EIF2AK3: variants seen among roughly 807,000 people sequenced by gnomAD.
The protein encoded by EIF2AK3 is eukaryotic translation initiation factor 2-alpha kinase 3.
Under a neutral mutation model 113.5 loss-of-function variants are expected in EIF2AK3, and 50 were observed. The ratio of observed to expected loss-of-function variants is 0.44; its 90% CI spans 0.35 to 0.56. The LOEUF is 0.56. Ranked by LOEUF, EIF2AK3 falls within the 20% of genes least tolerant of loss-of-function variation. EIF2AK3 has a pLI of 0.00. For missense variants in EIF2AK3, 1,185 were observed against 1,378.0 expected, an observed-to-expected ratio of 0.86 and a Z score of 2.22; for synonymous variants, 448 against 495.4, an observed-to-expected ratio of 0.90 and a Z score of 1.27.
intron 1 of EIF2AK3, among the ~76,000 whole-genome samples, chr2:88,617,543 C>G (rs557380954): frequency 1.8e-4 from 27 of 151,712 alleles, no homozygotes; most frequent in African/African-American, 6.5e-4. Flanking sequence ...CTCACGAGGT[C>G]AGGAGATCAA....
At position 88,583,453 on chromosome 2, in the gene EIF2AK3, T is replaced by C. The variant is rs1385257447; in HGVS notation, c.1740A>G (p.Ile580Met). The change falls in exon 10 of 17, where the codon ATA becomes ATG. Residue 580 changes from isoleucine (I) to methionine (M), a missense_variant. Ile to Met is a conservative substitution (Grantham distance 10, BLOSUM62 1). Coordinates refer to ENST00000303236, the MANE Select transcript of EIF2AK3 (RefSeq NM_004836.7). ...ACCGTGATATATATCCAGAGTTTTTTATGTCATTCCAGCTACTGTCATTGG... is the reference window on the plus strand; with the variant it reads ...ACCGTGATATATATCCAGAGTTTTTCATGTCATTCCAGCTACTGTCATTGG... ...GEANDSSWND[I>M]KNSGYISRYL... 4.3e-6 allele frequency: 7 copies of C among 1,612,834 alleles called. No individual in the cohort carries two copies. The highest frequency in any genetic ancestry group is 5.9e-6 in the Non-Finnish European group (7 of 1,179,386).
chr2:88,571,944 T>G (rs1466457914), intron 13 of EIF2AK3, among the ~76,000 whole-genome samples: 2 of 152,014 alleles, frequency 1.3e-5, no homozygotes, highest in Non-Finnish European at 2.9e-5. Flanking sequence ...ATACATCACC[T>G]CTCCCTCAGA....
intron 2 of EIF2AK3, among the ~76,000 whole-genome samples, chr2:88,602,663 T>C (rs1437049313): frequency 6.6e-6 from 1 of 152,068 alleles, no homozygotes; most frequent in Non-Finnish European, 1.5e-5. Flanking sequence ...AACTTACAAA[T>C]AAAAAGATAC....
chr2:88,619,822 C>T (rs1573426276), intron 1 of EIF2AK3, among the ~76,000 whole-genome samples: 1 of 152,150 alleles, frequency 6.6e-6, no homozygotes, highest in South Asian at 2.1e-4. Context: ...GGTGTGATGG[C>T]ATGCACCTGT....
rs763657019 is a variant in EIF2AK3 at position 88,557,704 on chromosome 2, T to A, written c.*32A>T. ...TCTAAGAAGTAGGCTATTATCTGCA[T>A]CACCTATTAGGGTTGCTAGCACAAC... On this transcript the variant is annotated 3_prime_UTR_variant, in exon 17 of 17. Coordinates refer to ENST00000303236, the MANE Select transcript of EIF2AK3 (RefSeq NM_004836.7). The A allele has an allele frequency of 6.2e-7, 1 of 1,608,272 alleles. No individual in the cohort carries two copies. Among genetic ancestry groups the A allele is most frequent in the Non-Finnish European group, 8.5e-7 (1 of 1,174,754 alleles).
chr2:88,604,111 A>G (rs895832109), intron 2 of EIF2AK3, among the ~76,000 whole-genome samples: 3 of 152,050 alleles, frequency 2.0e-5, no homozygotes, highest in African/African-American at 7.2e-5. Context: ...TAGTCTCCCA[A>G]TTTCTGCTGT....
At chr2:88,618,829 C>T (rs558377222) in intron 1 of EIF2AK3, among the ~76,000 whole-genome samples, 3 of 152,186 alleles carry the variant, frequency 2.0e-5, no homozygotes, top group African/African-American at 7.2e-5. Flanking sequence ...TGATCCAATC[C>T]TTGGAAGCCA....
At chr2:88,579,794 T>C in intron 10 of EIF2AK3, 154 bp from the exon 11 acceptor site, 1 of 663,422 alleles carries the variant, frequency 1.5e-6, no homozygotes, top group Non-Finnish European at 2.5e-6. Flanking sequence ...AACAGCATTT[T>C]TAGTCCTGTT....
rs148953825 is a variant in EIF2AK3, at chr2:88,562,389, A to C, written c.2987T>G (p.Ile996Ser). The C allele has an allele frequency of 1.4e-5, 23 of 1,612,486 alleles. No homozygotes were observed. The African/African-American group carries it at 2.9e-4, about 21-fold the overall frequency. Residue 996 changes from isoleucine to serine, a missense_variant and splice_region_variant, in exon 15 of 17, where the codon ATT (isoleucine) becomes AGT (serine). Around this residue, in one of 3 missense-constraint regions of EIF2AK3, gnomAD observed 877 missense variants for 1,024.2 expected, o/e 0.86. Coordinates refer to ENST00000303236, the MANE Select transcript of EIF2AK3 (RefSeq NM_004836.7). ...GTKLYMSPEQ[I>S]HGNSYSHKVD... ...TTTATGAGAATAGCTGTTTCCATGA[A>C]TCTGAAATCCCACATAAAGAAAATT...
At chr2:88,583,954 A>T (rs973210016) in intron 9 of EIF2AK3, among the ~76,000 whole-genome samples, 7 of 152,182 alleles carry the variant, frequency 4.6e-5, no homozygotes, top group Admixed American at 1.3e-4. Context: ...GACTAGAGAG[A>T]TTTCCTTCCT....
chr2:88,577,044 C>A (rs1187800482), intron 11 of EIF2AK3, among the ~76,000 whole-genome samples: 1 of 149,188 alleles, frequency 6.7e-6, no homozygotes, highest in African/African-American at 2.5e-5. Flanking sequence ...AGTGCAGTGG[C>A]GCAATCTCGG....
chr2:88,583,048 AC>A (rs1218171534), intron 10 of EIF2AK3, among the ~76,000 whole-genome samples: 1 of 152,084 alleles, frequency 6.6e-6, no homozygotes, highest in Non-Finnish European at 1.5e-5. Flanking sequence ...CTATATTTCT[AC>A]TTCCTATTAC....
intron 14 of EIF2AK3, among the ~76,000 whole-genome samples, chr2:88,568,682 A>C (rs984106460): frequency 2.0e-5 from 3 of 152,242 alleles, no homozygotes; most frequent in African/African-American, 7.2e-5. Context: ...CCCCATAAAT[A>C]TGTACAATTA....
chr2:88,562,165 C>T, intron 15 of EIF2AK3, 124 bp downstream of exon 15: 3 of 751,080 alleles, frequency 4.0e-6, no homozygotes, highest in African/African-American at 3.5e-5. Flanking sequence ...CTCACATCAC[C>T]TCTTTCACTT....
Position 88,595,669 on chromosome 2 carries a change from A to G in EIF2AK3, c.439-6T>C. 1 of 1,613,256 alleles carries G rather than the reference A, an allele frequency of 6.2e-7. No homozygotes were observed. The highest frequency in any genetic ancestry group is 8.5e-7 in the Non-Finnish European group (1 of 1,179,408). ...ATCATCTTATTCCCAAATACCTAAA[A>G]CAGAAGCTAACTTTTTAAAAGGGCC... On this transcript the variant is annotated splice_region_variant and splice_polypyrimidine_tract_variant and intron_variant, in intron 2 of 16. Transcript: ENST00000303236.
In EIF2AK3 at chr2:88,613,767, A is replaced by G; in HGVS notation, c.395T>C (p.Val132Ala). Residue 132 changes from valine (V) to alanine (A), a missense_variant, in exon 2 of 17, where the codon GTG becomes GCG. By Grantham distance (64) the Val-to-Ala change is moderately conservative. Around this residue, in one of 3 missense-constraint regions of EIF2AK3, gnomAD observed 119 missense variants for 178.7 expected, o/e 0.67. Coordinates refer to ENST00000303236, the MANE Select transcript of EIF2AK3 (RefSeq NM_004836.7). ...NHGKKQWDLD[V>A]GSGSLVSSSL... is the part of the protein sequence containing the mutation. ...GGATGACACCAAGGAACCGGATCCC[A>G]CATCCAAATCCCACTGCTTTTTACC... 2 of 1,614,144 alleles carry G rather than the reference A, an allele frequency of 1.2e-6. No individual in the cohort carries two copies. Among genetic ancestry groups the G allele is most frequent in the Non-Finnish European group, 1.7e-6 (2 of 1,179,966 alleles).
intron 1 of EIF2AK3, 39 bp downstream of exon 1, chr2:88,626,928 C>G (rs775269749): frequency 6.2e-7 from 1 of 1,603,352 alleles, no homozygotes; most frequent in African/African-American, 1.4e-5. Context: ...GGCTCGCGCG[C>G]GTAAACAAGT....
At chr2:88,565,527 A>T (rs574645281) in intron 14 of EIF2AK3, among the ~76,000 whole-genome samples, 148 of 151,160 alleles carry the variant, frequency 9.8e-4, no homozygotes, top group Non-Finnish European at 1.7e-3. Flanking sequence ...TTTTTTGTAG[A>T]GATGGGGTTT....
Position 88,590,567 on chromosome 2 carries a change from A to G in EIF2AK3, c.1041T>C (p.Asp347=). 1 of 1,613,438 alleles carries G rather than the reference A, an allele frequency of 6.2e-7. No homozygotes were observed. Among genetic ancestry groups the G allele is most frequent in the Non-Finnish European group, 8.5e-7 (1 of 1,179,964 alleles). ...TPIASAWLLK[D]GKVIPISLFD... ...AAAGACTGATGGGAATGACTTTCCC[A>G]TCCTTAAGTAACCAGGCAGATGCAA... Residue 347 remains aspartate, a synonymous_variant, in exon 6 of 17, where the codon GAT becomes GAC. Transcript: ENST00000303236.
Sources: gnomAD v4.1 joint callset for allele counts (sites outside exome capture counted in the v4.1 genomes callset) on GRCh38, gnomAD v4.1.1 for gene constraint, gnomAD v4.1.1 regional missense constraint, MANE v1.5 for transcripts, NCBI Gene and HGNC (gene_info 2026-07-23, HGNC 2026-07-21) for gene names.